ZNF469: variants seen among roughly 807,000 people sequenced by gnomAD.
The protein encoded by ZNF469 is zinc finger protein 469.
In ZNF469, 1 loss-of-function variant was observed where a neutral mutation model predicts 1.0. The observed-to-expected ratio is 1.00, with a 90% CI of 0.35 to 4.73. The LOEUF is 4.73. ZNF469 is among the 30% of genes most tolerant of loss of function. The probability of loss-of-function intolerance (pLI) is 0.16; values close to 1 mark genes in which losing one functional copy is unlikely to be tolerated. For missense variants in ZNF469, 6,100 were observed against 5,356.3 expected, an observed-to-expected ratio of 1.14 and a Z score of -4.33; for synonymous variants, 2,703 against 2,363.4, an observed-to-expected ratio of 1.14 and a Z score of -4.17.
At chr16:88,237,801 C>T in the ZNF469 span, among the ~76,000 whole-genome samples, 1 of 147,298 alleles carries the variant, frequency 6.8e-6, no homozygotes, top group Non-Finnish European at 1.5e-5. Context: ...GCTCCCGCCA[C>T]TCACCCTCCC....
the ZNF469 span, among the ~76,000 whole-genome samples, chr16:88,351,085 G>T: frequency 6.6e-6 from 1 of 152,252 alleles, no homozygotes. Context: ...ACCTTGCTGG[G>T]CCTGTTTCCT....
chr16:88,113,548 C>T, the ZNF469 span, among the ~76,000 whole-genome samples: 10 of 152,274 alleles, frequency 6.6e-5, no homozygotes, highest in South Asian at 4.1e-4. Flanking sequence ...GGCTGAAGCC[C>T]GGCTCGGGGA....
At chr16:88,158,276 T>G in the ZNF469 span, among the ~76,000 whole-genome samples, 11 of 135,984 alleles carry the variant, frequency 8.1e-5, no homozygotes, top group African/African-American at 1.7e-4. Flanking sequence ...GGCCAGGGAG[T>G]GGGGGCAGCT....
the ZNF469 span, among the ~76,000 whole-genome samples, chr16:88,130,706 CAA>C: frequency 0.038 from 3,936 of 103,432 alleles, 154 homozygotes; most frequent in African/African-American, 0.12. Flanking sequence ...AACTCTGTGT[CAA>C]AAAAAAAAAA....
rs1906816001 is a variant in ZNF469 at position 88,439,050 on chromosome 16, C to A, written c.11580C>A (p.Thr3860=). 4 of 1,550,566 alleles carry A rather than the reference C, an allele frequency of 2.6e-6. No individual in the cohort carries two copies. In the South Asian group the frequency reaches 3.6e-5, roughly 14 times the overall value. ...KQATPSRVLP[T]KPKPNSQNKP... ...CAACTCCCAGCCGCGTGCTCCCGAC[C>A]AAGCCCAAGCCCAACAGCCAGAACA... The change falls in exon 3 of 3, where the codon ACC becomes ACA. Residue 3860 remains threonine (T), a synonymous_variant. Transcript: ENST00000565624.
the ZNF469 span, among the ~76,000 whole-genome samples, chr16:88,137,437 C>A: frequency 6.6e-6 from 1 of 152,056 alleles, no homozygotes; most frequent in Non-Finnish European, 1.5e-5. Flanking sequence ...TGCATGCAAC[C>A]GTGTGTGTGC....
chr16:88,432,076 C>T lies in ZNF469; in HGVS notation c.4606C>T (p.Pro1536Ser), dbSNP rs781667585. 2 of 1,550,490 alleles carry T rather than the reference C, an allele frequency of 1.3e-6. No homozygotes were observed. The highest frequency in any genetic ancestry group is 1.2e-5 in the South Asian group (1 of 84,058). The change falls in exon 3 of 3, where the codon CCC (proline) becomes TCC (serine). Residue 1536 changes from proline (P) to serine (S), a missense_variant. Coordinates refer to ENST00000565624, the MANE Select transcript of ZNF469 (RefSeq NM_001367624.2). ...GTGTCCCCCTGAACGGACAGTGGTT[C>T]CCGGCGCCGCCCCATCTTTGCCTGG... The part of the protein sequence containing the change: ...KTCPPERTVV[P>S]GAAPSLPGKG...
At chr16:88,288,056 C>T in the ZNF469 span, among the ~76,000 whole-genome samples, 1 of 152,126 alleles carries the variant, frequency 6.6e-6, no homozygotes, top group Non-Finnish European at 1.5e-5. Context: ...ATAATTTATC[C>T]ATTTCATCTT....
chr16:88,221,969 A>C, the ZNF469 span, among the ~76,000 whole-genome samples: 1 of 151,462 alleles, frequency 6.6e-6, no homozygotes, highest in Admixed American at 6.6e-5. Flanking sequence ...ACCTACAAAG[A>C]CCCTTTTTCC....
chr16:88,277,684 AGTGCACGGTTAGTG>A, the ZNF469 span, among the ~76,000 whole-genome samples: 1 of 125,990 alleles, frequency 7.9e-6, no homozygotes, highest in East Asian at 2.3e-4. Flanking sequence ...TGTAGATATC[AGTGCACGGTTAGTG>A]CTGCACCACA....
At chr16:88,331,814 A>T in the ZNF469 span, among the ~76,000 whole-genome samples, 1 of 151,950 alleles carries the variant, frequency 6.6e-6, no homozygotes, top group East Asian at 1.9e-4. Flanking sequence ...TCTCATCACC[A>T]CCATCACTAT....
chr16:88,393,775 C>T (rs1904554108), intron 1 of ZNF469, among the ~76,000 whole-genome samples: 1 of 152,254 alleles, frequency 6.6e-6, no homozygotes, highest in Non-Finnish European at 1.5e-5. Flanking sequence ...AAGGCAGAGG[C>T]CAGGGCCGGT....
At chr16:88,219,779 C>T in the ZNF469 span, among the ~76,000 whole-genome samples, 6 of 152,278 alleles carry the variant, frequency 3.9e-5, no homozygotes, top group Admixed American at 3.9e-4. Context: ...CATCATGTGA[C>T]TTGTGGGGAA....
the ZNF469 span, among the ~76,000 whole-genome samples, chr16:88,230,969 A>C: frequency 3.3e-5 from 5 of 152,238 alleles, no homozygotes; most frequent in African/African-American, 1.2e-4. Flanking sequence ...GCTCTGGCGA[A>C]GGGACCCAGG....
the ZNF469 span, among the ~76,000 whole-genome samples, chr16:88,190,385 G>A: frequency 5.3e-5 from 8 of 152,348 alleles, no homozygotes; most frequent in African/African-American, 7.2e-5. Flanking sequence ...CCATGCACCC[G>A]GCACCACACC....
chr16:88,400,930 C>G (rs1406593044), intron 1 of ZNF469, among the ~76,000 whole-genome samples: 1 of 152,018 alleles, frequency 6.6e-6, no homozygotes, highest in Non-Finnish European at 1.5e-5. Context: ...GGCCCAGAAA[C>G]AACCCGCTGA....
In ZNF469 at chr16:88,431,032, G is replaced by A; in HGVS notation, c.3562G>A (p.Gly1188Ser). The A allele has an allele frequency of 6.5e-7, 1 of 1,546,328 alleles. No individual in the cohort carries two copies. The highest frequency in any genetic ancestry group is 8.7e-7 in the Non-Finnish European group (1 of 1,146,670). Residue 1188 changes from glycine to serine, a missense_variant, in exon 3 of 3, where the codon GGC becomes AGC. Transcript: ENST00000565624. Reference protein sequence around the residue: ...LETGAAAREGGPKCADRPSVA... With the variant: ...LETGAAAREGSPKCADRPSVA... Reference sequence around the variant, plus strand: ...GACGGGAGCGGCCGCCAGGGAGGGAGGCCCCAAGTGTGCTGATCGCCCCTC... The same window carrying A: ...GACGGGAGCGGCCGCCAGGGAGGGAAGCCCCAAGTGTGCTGATCGCCCCTC...
At chr16:88,245,614 C>G in the ZNF469 span, among the ~76,000 whole-genome samples, 1 of 152,242 alleles carries the variant, frequency 6.6e-6, no homozygotes, top group African/African-American at 2.4e-5. Flanking sequence ...CTTCCTCATC[C>G]TCCACAAGCC....
In ZNF469 at chr16:88,388,088, G is replaced by A. The variant is rs1341834267; in HGVS notation, c.-192+4834G>A. ...TACAACCCCAGAGTGGCTGCAGAGG[G>A]GCTCCCCAGAGAGGAGAGCGGCCGA... On this transcript the variant is annotated intron_variant, in intron 1 of 2. Coordinates refer to ENST00000565624, the MANE Select transcript of ZNF469 (RefSeq NM_001367624.2). Among the ~76,000 whole-genome samples, 3 of 152,352 alleles carry A rather than the reference G, an allele frequency of 2.0e-5. No individual in the cohort carries two copies. In the South Asian group the frequency reaches 6.2e-4, roughly 32 times the overall value.
Sources: gnomAD v4.1 joint callset for allele counts (sites outside exome capture counted in the v4.1 genomes callset) on GRCh38, gnomAD v4.1.1 for gene constraint, MANE v1.5 for transcripts, NCBI Gene and HGNC (gene_info 2026-07-23, HGNC 2026-07-21) for gene names.